SLC27A2: variants seen among roughly 807,000 people sequenced by gnomAD.
The protein encoded by SLC27A2 is long-chain fatty acid transport protein 2.
SLC27A2 carries 54 observed loss-of-function variants against 60.0 expected under a neutral mutation model. The ratio of observed to expected loss-of-function variants is 0.90; its 90% CI spans 0.72 to 1.13. The LOEUF is 1.13. SLC27A2 is among the 50% of genes most tolerant of loss of function. The pLI is 0.00. For synonymous variants in SLC27A2, 297 were observed against 297.6 expected (o/e 1.00, Z 0.02); for missense variants, 739 against 777.6 (o/e 0.95, Z 0.59).
chr15:50,211,227 A>G (rs944053830), intron 4 of SLC27A2, among the ~76,000 whole-genome samples: 8 of 152,186 alleles, frequency 5.3e-5, no homozygotes, highest in African/African-American at 1.9e-4. Flanking sequence ...CCATGGAGTC[A>G]TTGCATCCTC....
chr15:50,229,258 A>G (rs1487480599), intron 8 of SLC27A2, among the ~76,000 whole-genome samples: 2 of 152,194 alleles, frequency 1.3e-5, no homozygotes, highest in Non-Finnish European at 2.9e-5. Context: ...GCTCCCAGCC[A>G]TTCTTGGGCT....
chr15:50,228,849 A>C (rs974907510), intron 7 of SLC27A2, 96 bp from the exon 8 acceptor site: 3 of 818,114 alleles, frequency 3.7e-6, no homozygotes, highest in South Asian at 3.0e-5. Context: ...CGAGATCAGG[A>C]TCATGCAGAA....
At chr15:50,207,351 A>T (rs907051305) in intron 4 of SLC27A2, among the ~76,000 whole-genome samples, 1 of 152,206 alleles carries the variant, frequency 6.6e-6, no homozygotes, top group African/African-American at 2.4e-5. Context: ...CTATGATTTA[A>T]TGCATAATCT....
intron 1 of SLC27A2, among the ~76,000 whole-genome samples, chr15:50,186,111 G>A (rs1390805962): frequency 1.3e-5 from 2 of 152,052 alleles, no homozygotes; most frequent in Non-Finnish European, 1.5e-5. Flanking sequence ...GGGCATGATG[G>A]TGAGCACCTG....
chr15:50,216,170 A>G (rs1488019958), intron 4 of SLC27A2, among the ~76,000 whole-genome samples: 1 of 152,232 alleles, frequency 6.6e-6, no homozygotes, highest in Non-Finnish European at 1.5e-5. Context: ...ACAATTCTCA[A>G]AAGAAGATAT....
At position 50,229,079 on chromosome 15, in the gene SLC27A2, G is replaced by A; in HGVS notation, c.1555+37G>A. 3 of 1,414,884 alleles carry A rather than the reference G, an allele frequency of 2.1e-6. No homozygotes were observed. In the East Asian group the frequency reaches 6.9e-5, roughly 33 times the overall value. The allele number at this position is 1,414,884 out of a possible 1,614,324, so 87.6% of individuals were successfully genotyped here. On this transcript the variant is annotated intron_variant, in intron 8 of 9. Coordinates refer to ENST00000267842, the MANE Select transcript of SLC27A2 (RefSeq NM_003645.4). The stretch of plus-strand genomic sequence containing the variant: ...ATATGATCTGTACCTAACCCATAGA[G>A]TAACTGAACATAATTTTGGCCTCAA...
intron 4 of SLC27A2, among the ~76,000 whole-genome samples, chr15:50,209,530 C>G (rs1390248954): frequency 6.6e-6 from 1 of 152,082 alleles, no homozygotes; most frequent in Non-Finnish European, 1.5e-5. Flanking sequence ...TGCAAGCAGT[C>G]TGGCAGGAGG....
chr15:50,202,362 T>G, intron 2 of SLC27A2, 125 bp from the exon 3 acceptor site: 1 of 906,800 alleles, frequency 1.1e-6, no homozygotes, highest in Non-Finnish European at 1.7e-6. Flanking sequence ...GACTAACTGG[T>G]CATGGCCCTT....
At chr15:50,205,818 T>C (rs913592783) in intron 4 of SLC27A2, among the ~76,000 whole-genome samples, 1 of 152,184 alleles carries the variant, frequency 6.6e-6, no homozygotes, top group African/African-American at 2.4e-5. Context: ...GGCTGTAATA[T>C]CTTTGATGGC....
At chr15:50,214,960 G>C (rs1267473996) in intron 4 of SLC27A2, among the ~76,000 whole-genome samples, 1 of 152,120 alleles carries the variant, frequency 6.6e-6, no homozygotes, top group Non-Finnish European at 1.5e-5. Context: ...GGAAGTCCTA[G>C]CTAGACCAAT....
At position 50,196,079 on chromosome 15, in the gene SLC27A2, T is replaced by TAAAA. The variant is rs1567428414; in HGVS notation, c.479-1420_479-1419insAAAA. ...AAAAAAAAAAAAAAAAAAAAAAAAA[T>TAAAA]ATATATATATATATATATATATATA... On this transcript the variant is annotated intron_variant, in intron 1 of 9. Transcript: ENST00000267842. 1.8e-3 allele frequency among the ~76,000 whole-genome samples: 11 copies of TAAAA among 6,132 alleles called. 3 individuals are homozygous for TAAAA. Among genetic ancestry groups the TAAAA allele is most frequent in the Admixed American group, 3.2e-3 (1 of 308 alleles). 4.0% of individuals were successfully genotyped at this position (6,132 alleles called of 152,430 possible). A position where few individuals can be genotyped will look rare whatever the true frequency, so the allele number is the denominator to read the frequency against.
intron 1 of SLC27A2, among the ~76,000 whole-genome samples, chr15:50,195,311 GAAAA>G (rs745744454): frequency 0.12 from 12,824 of 110,976 alleles, 755 homozygotes; most frequent in Middle Eastern, 0.16. Context: ...CTAAAAATAT[GAAAA>G]AAAAAAAAAA....
At chr15:50,232,081 C>G (rs1199410361) in intron 8 of SLC27A2, among the ~76,000 whole-genome samples, 2 of 152,232 alleles carry the variant, frequency 1.3e-5, no homozygotes, top group Admixed American at 6.5e-5. Context: ...GTCTGGCCCC[C>G]CATCCACAGA....
At position 50,234,083 on chromosome 15, in the gene SLC27A2, G is replaced by A. The variant is rs538959536; in HGVS notation, c.1686+85G>A. ...GGAACAACTCGCCTTCTCCCAGGATGACTACATTTGCCAAGTTTTCACCGC... is the reference window on the plus strand; with the variant it reads ...GGAACAACTCGCCTTCTCCCAGGATAACTACATTTGCCAAGTTTTCACCGC... On this transcript the variant is annotated intron_variant, in intron 9 of 9. Transcript: ENST00000267842. 6 of 1,316,464 alleles carry A rather than the reference G, an allele frequency of 4.6e-6. No homozygotes were observed. In the African/African-American group the frequency reaches 8.8e-5, roughly 19 times the overall value. The allele number at this position is 1,316,464 out of a possible 1,614,324, so 81.5% of individuals were successfully genotyped here.
intron 4 of SLC27A2, among the ~76,000 whole-genome samples, chr15:50,215,181 CAA>C (rs1400792914): frequency 6.6e-6 from 1 of 152,016 alleles, no homozygotes; most frequent in Non-Finnish European, 1.5e-5. Flanking sequence ...AGCGACCAAG[CAA>C]AGACTCAAAT....
chr15:50,199,039 T>TA (rs2045045102), intron 2 of SLC27A2, among the ~76,000 whole-genome samples: 1 of 151,644 alleles, frequency 6.6e-6, no homozygotes, highest in African/African-American at 2.4e-5. Flanking sequence ...TCTTTTTTTT[T>TA]TTATTTTTAT....
chr15:50,218,896 C>G (rs766846521), intron 4 of SLC27A2, among the ~76,000 whole-genome samples: 67 of 152,236 alleles, frequency 4.4e-4, no homozygotes, highest in African/African-American at 1.5e-3. Context: ...TAATGGAAAA[C>G]AGGAAATTCC....
chr15:50,221,991 T>G (rs1345053948), intron 4 of SLC27A2: 1 of 152,204 alleles, frequency 6.6e-6, no homozygotes, highest in East Asian at 1.9e-4. Context: ...ACTTGACTAG[T>G]CTTTGTTAAC....
chr15:50,183,582 G>A (rs2044890907), intron 1 of SLC27A2, among the ~76,000 whole-genome samples: 2 of 152,272 alleles, frequency 1.3e-5, no homozygotes, highest in South Asian at 2.1e-4. Context: ...CAGTTCTGTG[G>A]TTAGCTCCTG....
Sources: allele counts gnomAD v4.1 joint callset (sites outside exome capture counted in the v4.1 genomes callset), GRCh38; gene constraint gnomAD v4.1.1; transcripts MANE v1.5; gene names NCBI Gene and HGNC (gene_info 2026-07-23, HGNC 2026-07-21).